MICAL1: variants seen among roughly 807,000 people sequenced by gnomAD.
MICAL1 encodes microtubule associated monooxygenase, calponin and LIM domain containing 1, also known as [F-actin]-monooxygenase MICAL1.
Under a neutral mutation model 131.8 loss-of-function variants are expected in MICAL1, and 95 were observed. The ratio of observed to expected loss-of-function variants is 0.72; its 90% confidence interval spans 0.61 to 0.86. The LOEUF (loss-of-function observed/expected upper bound fraction) is 0.86, where lower values mean the gene tolerates loss of function less well. Among genes scored for constraint, MICAL1 ranks in the 40% least tolerant of loss-of-function variants. The pLI is 0.00. For missense variants in MICAL1, 1,292 were observed against 1,380.6 expected, an observed-to-expected ratio of 0.94 and a Z score of 1.02; for synonymous variants, 546 against 554.2, an observed-to-expected ratio of 0.99 and a Z score of 0.21.
At chr6:109,450,933 C>CA (rs1390577794) in intron 7 of MICAL1, among the ~76,000 whole-genome samples, 1 of 152,168 alleles carries the variant, frequency 6.6e-6, no homozygotes, top group Non-Finnish European at 1.5e-5. Context: ...CAGTATCTAG[C>CA]ACATGGTAGG....
upstream of MICAL1, among the ~76,000 whole-genome samples, chr6:109,457,954 A>G (rs1775798718): frequency 6.6e-6 from 1 of 152,132 alleles, no homozygotes. Flanking sequence ...GCCTAGTGTG[A>G]CCTTGGATGT....
At chr6:109,457,726 T>C (rs1775792160), upstream of MICAL1, among the ~76,000 whole-genome samples, 1 of 152,208 alleles carries the variant, frequency 6.6e-6, no homozygotes, top group Non-Finnish European at 1.5e-5. Context: ...CAATGCCTTT[T>C]GCCAAGCAGG....
chr6:109,465,452 G>C, intron 1 of MICAL1: 1 of 601,204 alleles, frequency 1.7e-6, no homozygotes, highest in Non-Finnish European at 2.9e-6. Flanking sequence ...ATTCTGCCCA[G>C]TTCAACCAAA....
In MICAL1 at chr6:109,447,706, GCATC is replaced by G; in HGVS notation, c.1957_1960del (p.Asp653LeufsTer29). The G allele has an allele frequency of 1.9e-6, 3 of 1,614,088 alleles. No individual in the cohort carries two copies. The highest frequency in any genetic ancestry group is 2.5e-6 in the Non-Finnish European group (3 of 1,179,988). ...CTCCAAGCGCAGCTTCTTGCCACCA[GCATC>G]CTCTGCATTTTCCTGCAATAAGTCC... is the stretch of plus-strand genomic sequence containing the variant. On this transcript the variant is annotated frameshift_variant, in exon 15 of 25. Coordinates refer to ENST00000358807, the MANE Select transcript of MICAL1 (RefSeq NM_022765.4). LOFTEE classifies it high-confidence loss of function.
chr6:109,462,341 A>G (rs1775909909), intron 1 of MICAL1, among the ~76,000 whole-genome samples: 1 of 152,170 alleles, frequency 6.6e-6, no homozygotes, highest in Non-Finnish European at 1.5e-5. Context: ...AGTCATGGCA[A>G]ACTAATATAC....
chr6:109,457,125 G>C (rs1244833447), upstream of MICAL1, among the ~76,000 whole-genome samples: 1 of 152,078 alleles, frequency 6.6e-6, no homozygotes, highest in Non-Finnish European at 1.5e-5. Flanking sequence ...AGTAAGACCT[G>C]AACACTCACT....
chr6:109,448,850 G>A lies in MICAL1; in HGVS notation c.1546C>T (p.Arg516Cys), dbSNP rs143617378. The change falls in exon 12 of 25, where the codon CGC becomes TGC. Residue 516 changes from arginine to cysteine, a missense_variant. Transcript: ENST00000358807. ...CCAGCTGTCTGCTCCTGGCACCAGC[G>A]TAGCAGCTCCTCCTGGGTGCCTGCC... ...GSAGTQEELL[R>C]WCQEQTAGYP... The A allele has an allele frequency of 1.3e-5, 21 of 1,613,868 alleles. No individual in the cohort carries two copies. Among genetic ancestry groups the A allele is most frequent in the East Asian group, 4.5e-5 (2 of 44,868 alleles).
At chr6:109,460,017 T>G (rs1775845792), upstream of MICAL1, among the ~76,000 whole-genome samples, 1 of 152,202 alleles carries the variant, frequency 6.6e-6, no homozygotes, top group South Asian at 2.1e-4. Flanking sequence ...GAATTCAGAA[T>G]AAAAGTTCTC....
rs889413303 is a variant in MICAL1 at position 109,446,378 on chromosome 6, G to C, written c.2339C>G (p.Pro780Arg). ...CGAGGCTGTGGGAGTTGAGAGGCCT[G>C]GTGGCATGCTATTCTCACTTGGTGT... ...LPTPSENSMPPGLSTPTASQE... is the reference protein window; with the variant it reads ...LPTPSENSMPRGLSTPTASQE... The change falls in exon 19 of 25, where the codon CCA becomes CGA. Residue 780 changes from proline to arginine, a missense_variant. Physicochemically the swap from Pro to Arg is moderately radical, Grantham distance 103 (BLOSUM62 -2). Transcript: ENST00000358807. The C allele has an allele frequency of 2.5e-6, 4 of 1,614,046 alleles. No individual in the cohort carries two copies. Among genetic ancestry groups the C allele is most frequent in the Non-Finnish European group, 2.5e-6 (3 of 1,180,064 alleles).
chr6:109,461,837 G>C (rs1446314224), intron 1 of MICAL1, among the ~76,000 whole-genome samples: 1 of 152,058 alleles, frequency 6.6e-6, no homozygotes, highest in Non-Finnish European at 1.5e-5. Context: ...AGTTTTAAAA[G>C]CCTGTGCCCT....
rs1450011063 is a variant in MICAL1 at position 109,446,970 on chromosome 6, A to G, written c.2227+103T>C. On this transcript the variant is annotated intron_variant, in intron 17 of 24. Transcript: ENST00000358807. Reference sequence around the variant, plus strand: ...CCTGAGCTCAGGAGAACGAAGTGCCATCTTGAGCCTGTTTCCATCCTGTGC... The same window carrying G: ...CCTGAGCTCAGGAGAACGAAGTGCCGTCTTGAGCCTGTTTCCATCCTGTGC... The G allele has an allele frequency of 5.6e-6, 8 of 1,435,742 alleles. No homozygotes were observed. The South Asian group carries it at 7.8e-5, about 14-fold the overall frequency. The allele number at this position is 1,435,742 out of a possible 1,614,324, so 88.9% of individuals were successfully genotyped here.
chr6:109,447,805 C>T, intron 14 of MICAL1, 70 bp downstream of exon 14: 1 of 1,610,764 alleles, frequency 6.2e-7, no homozygotes, highest in African/African-American at 1.3e-5. Context: ...ACCATCACCC[C>T]AGGATCTCCA....
chr6:109,448,021 AACAG>A (rs72092669), intron 13 of MICAL1, 58 bp from the exon 14 acceptor site: 495,176 of 1,511,070 alleles, frequency 0.33, 82,947 homozygotes, highest in Middle Eastern at 0.38. Flanking sequence ...GTACTCTCAG[AACAG>A]ACAGTCACTC....
upstream of MICAL1, among the ~76,000 whole-genome samples, chr6:109,460,179 G>C (rs1562296562): frequency 6.6e-6 from 1 of 152,110 alleles, no homozygotes; most frequent in Non-Finnish European, 1.5e-5. Flanking sequence ...TGTGGGCTGA[G>C]TACAGTGGCT....
chr6:109,448,481 AAGC>A (rs1775348947), intron 12 of MICAL1, 88 bp from the exon 13 acceptor site: 4 of 1,469,288 alleles, frequency 2.7e-6, no homozygotes, highest in Non-Finnish European at 3.7e-6. Context: ...GAGGGACAGC[AAGC>A]AGCAGCTGGG....
Position 109,446,154 on chromosome 6 carries a change from G to A in MICAL1, c.2563C>T (p.Pro855Ser). The change falls in exon 19 of 25, where the codon CCA becomes TCA. Residue 855 changes from proline (P) to serine (S), a missense_variant. By Grantham distance (74) the Pro-to-Ser change is moderately conservative. Transcript: ENST00000358807. ...GGGTTACCTTGAGGGCTCTGGACTG[G>A]CAGGCCCCAGCCCACAAAGCTGCTC... ...LESSFVGWGL[P>S]VQSPQALVAM... is the part of the protein sequence containing the mutation. The A allele has an allele frequency of 6.4e-7, 1 of 1,556,046 alleles. No individual in the cohort carries two copies. The highest frequency in any genetic ancestry group is 8.7e-7 in the Non-Finnish European group (1 of 1,155,468).
chr6:109,462,433 T>C (rs73762755), intron 1 of MICAL1, among the ~76,000 whole-genome samples: 12,464 of 152,246 alleles, frequency 0.082, 1,361 homozygotes, highest in African/African-American at 0.25. Context: ...TGGAAGATGT[T>C]TGAGACCCAG....
Position 109,464,829 on chromosome 6 carries a change from G to T in MICAL1, c.14+835C>A, listed in dbSNP as rs568887864. 9 of 152,228 alleles carry T rather than the reference G, an allele frequency of 5.9e-5. 1 individual carries two copies. The highest frequency in any genetic ancestry group is 2.2e-4 in the African/African-American group (9 of 41,542). The allele number at this position is 152,228 out of a possible 1,614,324, so 9.4% of individuals were successfully genotyped here. ...TCTAAAAAAGGAAAGATTAGGAGAA[G>T]ATATTCACTTTGTGGGATTTAACTA... On this transcript the variant is annotated intron_variant, in intron 1 of 24. Coordinates refer to the MICAL1 transcript ENST00000630715.
chr6:109,457,426 G>A (rs1416616859), upstream of MICAL1, among the ~76,000 whole-genome samples: 1 of 152,158 alleles, frequency 6.6e-6, no homozygotes, highest in African/African-American at 2.4e-5. Context: ...AATGATGCGT[G>A]AAAGGCTGGC....
Sources: gnomAD v4.1 joint callset for allele counts (sites outside exome capture counted in the v4.1 genomes callset) on GRCh38, gnomAD v4.1.1 for gene constraint, MANE v1.5 for transcripts, NCBI Gene and HGNC (gene_info 2026-07-23, HGNC 2026-07-21) for gene names.